The following NBPF12 variants were observed in gnomAD, a reference collection of about 807,000 sequenced individuals.
NBPF12 encodes NBPF member 12.
A neutral mutation model predicts 146.4 loss-of-function variants in NBPF12; 115 were observed. The observed-to-expected ratio is 0.79, with a 90% CI of 0.68 to 0.92. The LOEUF is 0.92. Ranked by LOEUF, NBPF12 falls within the 40% of genes least tolerant of loss-of-function variation. The pLI is 0.00. For synonymous variants in NBPF12, 385 were observed against 508.9 expected (o/e 0.76, Z 3.28); for missense variants, 1,205 against 1,326.8 (o/e 0.91, Z 1.43).
At chr1:146,994,489 G>T (rs782386098) in exon 34 of NBPF12, 10 of 1,608,786 alleles carry the variant, frequency 6.2e-6, no homozygotes, top group Non-Finnish European at 8.5e-6. Context: ...CATCACCTTT[G>T]CCCTTGACAT....
Position 146,984,261 on chromosome 1 carries a change from G to A in NBPF12, c.2666+76G>A, listed in dbSNP as rs1402374351. ...GCCAAGTCCAGGGAAAACAGTACAC[G>A]CTGAAAATAATGATTTTGTCTTGTC... On this transcript the variant is annotated intron_variant, in intron 21 of 33. Transcript: ENST00000617844. The A allele has an allele frequency of 3.1e-3, 2,548 of 827,662 alleles. 42 individuals are homozygous for A. In the African/African-American group the frequency reaches 0.036, roughly 12 times the overall value. The allele number at this position is 827,662 out of a possible 1,614,324, so 51.3% of individuals were successfully genotyped here.
At chr1:146,977,845 G>A (rs1657145856) in intron 18 of NBPF12, among the ~76,000 whole-genome samples, 174 bp downstream of exon 21, 1 of 151,990 alleles carries the variant, frequency 6.6e-6, no homozygotes, top group Non-Finnish European at 1.5e-5. Flanking sequence ...TTGTCTGCCA[G>A]TCCCCAGTAT....
chr1:146,992,396 C>T (rs1658225452), intron 31 of NBPF12, among the ~76,000 whole-genome samples: 3 of 136,994 alleles, frequency 2.2e-5, no homozygotes, highest in African/African-American at 8.3e-5. Flanking sequence ...CCTGTTACTC[C>T]CTCATCAGTG....
At chr1:146,993,920 A>G (rs1658335811) in intron 33 of NBPF12, among the ~76,000 whole-genome samples, 1 of 17,322 alleles carries the variant, frequency 5.8e-5, no homozygotes, top group Admixed American at 7.1e-4. Flanking sequence ...ACCATACTTC[A>G]AAAGCTGTAC....
chr1:146,980,590 T>A (rs1360717841), intron 19 of NBPF12, among the ~76,000 whole-genome samples: 7 of 151,936 alleles, frequency 4.6e-5, no homozygotes, highest in African/African-American at 7.3e-5. Context: ...TTTGGCTGGA[T>A]ATGAAATTCT....
chr1:146,950,985 A>G (rs1362585085), intron 1 of NBPF12, among the ~76,000 whole-genome samples: 37 of 152,028 alleles, frequency 2.4e-4, no homozygotes, highest in African/African-American at 8.2e-4. Context: ...TATGCCAGAC[A>G]TTTTTTCCCA....
At chr1:146,962,246 A>G (rs1288735086) in exon 5 of NBPF12, 247 of 1,605,292 alleles carry the variant, frequency 1.5e-4, no homozygotes, top group Non-Finnish European at 1.7e-4. Flanking sequence ...AGCAGCTGAA[A>G]CAAGCTGAGG....
At chr1:146,969,128 A>G (rs1262277818) in intron 10 of NBPF12, among the ~76,000 whole-genome samples, 3 of 151,136 alleles carry the variant, frequency 2.0e-5, no homozygotes, top group Non-Finnish European at 2.9e-5. Flanking sequence ...TTAGGAAGAC[A>G]CCTACTTTTG....
intron 13 of NBPF12, among the ~76,000 whole-genome samples, chr1:146,972,419 GA>G (rs1310829817): frequency 2.1e-5 from 3 of 145,224 alleles, no homozygotes; most frequent in East Asian, 1.9e-4. Context: ...AACCAAAAAA[GA>G]AAAAAATTAA....
rs1187524068 is a variant in NBPF12, at chr1:146,978,260, ATTTTT to A, written c.2398+607_2398+611del. Among the ~76,000 whole-genome samples, 49 of 83,876 alleles carry A rather than the reference ATTTTT, an allele frequency of 5.8e-4. 1 individual carries two copies. The highest frequency in any genetic ancestry group is 1.8e-3 in the African/African-American group (37 of 20,960). 55.0% of individuals were successfully genotyped at this position (83,876 alleles called of 152,430 possible). A position where few individuals can be genotyped will look rare whatever the true frequency, so the allele number is the denominator to read the frequency against. The stretch of plus-strand genomic sequence containing the variant: ...CCAATGTTTGTTTGTAGCGTCGTAG[ATTTTT>A]TTTTTTTTTTTTTTTTTGCGATGGA... On this transcript the variant is annotated intron_variant, in intron 18 of 33. Transcript: ENST00000617844.
At chr1:146,942,076 T>C (rs1654837395) in intron 1 of NBPF12, among the ~76,000 whole-genome samples, 1 of 150,570 alleles carries the variant, frequency 6.6e-6, no homozygotes, top group Non-Finnish European at 1.5e-5. Flanking sequence ...CAGGTTGGTC[T>C]CAAACCCTTG....
chr1:146,951,588 T>C, intron 2 of NBPF12, 99 bp downstream of exon 5: 1 of 488,144 alleles, frequency 2.0e-6, no homozygotes, highest in South Asian at 2.2e-5. Flanking sequence ...CTAGCCCATA[T>C]GCTTAGCTGA....
At chr1:146,981,352 A>G (rs1657376696) in intron 19 of NBPF12, among the ~76,000 whole-genome samples, 1 of 147,940 alleles carries the variant, frequency 6.8e-6, no homozygotes, top group Non-Finnish European at 1.5e-5. Flanking sequence ...AACTATACAT[A>G]TGGAAAAAAA....
chr1:146,972,404 C>CA (rs1656706480), intron 13 of NBPF12, among the ~76,000 whole-genome samples: 1 of 150,544 alleles, frequency 6.6e-6, no homozygotes, highest in African/African-American at 2.5e-5. Flanking sequence ...AAACAGAAAA[C>CA]AAAAAACCAA....
intron 19 of NBPF12, among the ~76,000 whole-genome samples, chr1:146,980,215 T>C (rs1657282944): frequency 6.6e-6 from 1 of 152,026 alleles, no homozygotes; most frequent in Non-Finnish European, 1.5e-5. Context: ...TGTCTCTGCA[T>C]GTGAGATGGG....
chr1:146,987,588 G>A (rs1285303321), intron 25 of NBPF12, among the ~76,000 whole-genome samples: 5 of 152,004 alleles, frequency 3.3e-5, no homozygotes, highest in Non-Finnish European at 5.9e-5. Context: ...CATGATCACT[G>A]TATGCTGTGT....
intron 13 of NBPF12, among the ~76,000 whole-genome samples, chr1:146,971,607 T>C (rs1356291794): frequency 2.0e-5 from 3 of 146,914 alleles, no homozygotes; most frequent in Non-Finnish European, 3.0e-5. Context: ...CTGGAGTATA[T>C]GGTGAAACCC....
Position 146,973,167 on chromosome 1 carries a change from G to A in NBPF12, c.1801+207G>A, listed in dbSNP as rs1553886846. 4.9e-3 allele frequency among the ~76,000 whole-genome samples: 721 copies of A among 148,410 alleles called. 10 individuals carry two copies. The highest frequency in any genetic ancestry group is 0.018 in the African/African-American group (684 of 38,986). On this transcript the variant is annotated intron_variant, in intron 14 of 33. Coordinates refer to ENST00000617844, the Ensembl canonical transcript of NBPF12. ...TTTCCATGTTTGCAATCAGGTGGGG[G>A]TGGGACTAGAATTAAACTGCCATTT... is the stretch of plus-strand genomic sequence containing the variant.
upstream of NBPF12, among the ~76,000 whole-genome samples, chr1:146,948,692 G>C (rs1655182069): frequency 6.6e-6 from 1 of 151,980 alleles, no homozygotes; most frequent in African/African-American, 2.4e-5. Context: ...AGCCTCATGG[G>C]AAGGGAAAGA....
Sources: allele counts gnomAD v4.1 joint callset (sites outside exome capture counted in the v4.1 genomes callset), GRCh38; gene constraint gnomAD v4.1.1; transcripts MANE v1.5; gene names NCBI Gene and HGNC (gene_info 2026-07-23, HGNC 2026-07-21).